Variants in CCDC122 observed in about 807,000 individuals in gnomAD.
The protein encoded by CCDC122 is coiled-coil domain containing 122.
Under a neutral mutation model 37.0 loss-of-function variants are expected in CCDC122, and 38 were observed. The observed-to-expected ratio is 1.03, with a 90% confidence interval of 0.79 to 1.35. CCDC122 has a LOEUF of 1.35. Ranked by LOEUF, CCDC122 falls within the 40% of genes most tolerant of loss-of-function variation. The pLI, the probability that CCDC122 is intolerant of heterozygous loss-of-function variation, is 0.00. For missense variants in CCDC122, 305 were observed against 310.0 expected, an observed-to-expected ratio of 0.98 and a Z score of 0.12; for synonymous variants, 83 against 95.6, an observed-to-expected ratio of 0.87 and a Z score of 0.77.
intron 6 of CCDC122, among the ~76,000 whole-genome samples, chr13:43,852,638 C>T (rs968290267): frequency 1.3e-5 from 2 of 151,808 alleles, no homozygotes; most frequent in Non-Finnish European, 2.9e-5. Context: ...TGCAGAGAAC[C>T]CCAGTAAGAT....
Position 43,859,962 on chromosome 13 carries a change from G to A in CCDC122, c.265C>T (p.His89Tyr). The stretch of plus-strand genomic sequence containing the variant: ...ATTTGAGTTTCCAGGCTATCACAAT[G>A]AAGTTTGGTATTCTCTATGGCAGAA... Reference protein sequence around the residue: ...QDSAIENTKLHCDSLETQIKS... With the variant: ...QDSAIENTKLYCDSLETQIKS... Residue 89 changes from histidine (H) to tyrosine (Y), a missense_variant, in exon 5 of 7, where the codon CAT becomes TAT. Transcript: ENST00000444614. The A allele has an allele frequency of 6.2e-7, 1 of 1,610,684 alleles. No homozygotes were observed. The highest frequency in any genetic ancestry group is 8.5e-7 in the Non-Finnish European group (1 of 1,178,462).
At chr13:43,849,116 A>AT (rs1953641021) in intron 6 of CCDC122, 12 of 830,906 alleles carry the variant, frequency 1.4e-5, no homozygotes, top group African/African-American at 1.8e-5. Flanking sequence ...TTAACTTTTC[A>AT]TTTTTTAACT....
chr13:43,851,183 A>G (rs899699433), intron 6 of CCDC122, among the ~76,000 whole-genome samples: 2 of 152,206 alleles, frequency 1.3e-5, no homozygotes, highest in African/African-American at 2.4e-5. Context: ...ACCTACCCTA[A>G]AAGAATGATT....
intron 4 of CCDC122, among the ~76,000 whole-genome samples, chr13:43,861,405 A>C (rs1034326205): frequency 6.6e-6 from 1 of 152,150 alleles, no homozygotes; most frequent in African/African-American, 2.4e-5. Flanking sequence ...CGGATGAAAA[A>C]CTGGGACCAA....
At chr13:43,831,962 C>T (rs535070744), downstream of CCDC122, among the ~76,000 whole-genome samples, 3 of 146,550 alleles carry the variant, frequency 2.0e-5, no homozygotes, top group Admixed American at 6.9e-5. Flanking sequence ...GAATTTGAAG[C>T]GGCCTATTCT....
intron 6 of CCDC122, among the ~76,000 whole-genome samples, chr13:43,844,437 A>G (rs1953450638): frequency 6.6e-6 from 1 of 151,982 alleles, no homozygotes; most frequent in Admixed American, 6.5e-5. Context: ...GTCTTGGTGA[A>G]TATTTCATGT....
chr13:43,832,796 A>G (rs1322838444), downstream of CCDC122, among the ~76,000 whole-genome samples: 1 of 152,148 alleles, frequency 6.6e-6, no homozygotes, highest in Non-Finnish European at 1.5e-5. Context: ...CTGTGTGATG[A>G]AATCTTAGGC....
chr13:43,858,988 T>C, intron 5 of CCDC122, 91 bp from the exon 6 acceptor site: 3 of 1,045,780 alleles, frequency 2.9e-6, no homozygotes, highest in East Asian at 7.4e-5. Context: ...TTAAGAAAAC[T>C]AGCCAAATCA....
chr13:43,845,805 A>T (rs1953506638), intron 6 of CCDC122, among the ~76,000 whole-genome samples: 1 of 152,228 alleles, frequency 6.6e-6, no homozygotes, highest in Admixed American at 6.5e-5. Context: ...TTATCAATAC[A>T]TTTTAAAAAT....
At chr13:43,857,524 A>G (rs9525855) in intron 6 of CCDC122, among the ~76,000 whole-genome samples, 76,989 of 151,370 alleles carry the variant, frequency 0.51, 19,999 homozygotes, top group African/African-American at 0.6. Context: ...TTATTTCAAC[A>G]TTTTTCTTTA....
intron 3 of CCDC122, among the ~76,000 whole-genome samples, chr13:43,824,874 C>G (rs567576431): frequency 6.6e-6 from 1 of 152,272 alleles, no homozygotes; most frequent in East Asian, 1.9e-4. Flanking sequence ...GTCAGAATGG[C>G]TATTGTTAAA....
chr13:43,822,560 G>A (rs1401570797), downstream of CCDC122, among the ~76,000 whole-genome samples: 1 of 152,256 alleles, frequency 6.6e-6, no homozygotes, highest in Non-Finnish European at 1.5e-5. Flanking sequence ...TGGGTCCAAA[G>A]ATGCTGTCTG....
Position 43,836,849 on chromosome 13 carries a change from T to C in CCDC122, c.*431A>G, listed in dbSNP as rs1448816867. The C allele has an allele frequency of 5.1e-5, 4 of 77,810 alleles. No individual in the cohort carries two copies. Among genetic ancestry groups the C allele is most frequent in the African/African-American group, 1.9e-4 (4 of 21,250 alleles). The allele number at this position is 77,810 out of a possible 1,614,324, so 4.8% of individuals were successfully genotyped here. A position where few individuals can be genotyped will look rare whatever the true frequency, so the allele number is the denominator to read the frequency against. On this transcript the variant is annotated 3_prime_UTR_variant, in exon 7 of 7. Coordinates refer to ENST00000444614, the MANE Select transcript of CCDC122 (RefSeq NM_144974.5). Reference sequence around the variant, plus strand: ...TCCGGCCTGGGCGACAGAGCGAGACTCCGTCTCAAAAAAAAAAAAAAAAAA... The same window carrying C: ...TCCGGCCTGGGCGACAGAGCGAGACCCCGTCTCAAAAAAAAAAAAAAAAAA...
At chr13:43,852,415 ACAGT>A (rs1160009199) in intron 6 of CCDC122, among the ~76,000 whole-genome samples, 2 of 152,078 alleles carry the variant, frequency 1.3e-5, no homozygotes, top group East Asian at 1.9e-4. Context: ...CTAAAATAAG[ACAGT>A]CAGACAAGAA....
At chr13:43,871,319 T>C (rs113954428) in intron 2 of CCDC122, among the ~76,000 whole-genome samples, 67 of 152,166 alleles carry the variant, frequency 4.4e-4, no homozygotes, top group Non-Finnish European at 8.2e-4. Flanking sequence ...ATGACACAAT[T>C]TGCATGCCTG....
intron 3 of CCDC122, among the ~76,000 whole-genome samples, chr13:43,825,508 G>A (rs550190222): frequency 2.6e-5 from 4 of 152,110 alleles, no homozygotes; most frequent in South Asian, 4.1e-4. Context: ...GGTGGCTCAC[G>A]CCTATAATCC....
In CCDC122 at chr13:43,859,978, T is replaced by C. The variant is rs1375915007; in HGVS notation, c.249A>G (p.Ile83Met). ...ERQIYQQDSAIENTKLHCDSL... is the reference protein window; with the variant it reads ...ERQIYQQDSAMENTKLHCDSL... ...TATCACAATGAAGTTTGGTATTCTC[T>C]ATGGCAGAATCTTGTTGATAAATTT... The change falls in exon 5 of 7, where the codon ATA becomes ATG. Residue 83 changes from isoleucine to methionine, a missense_variant. By Grantham distance (10) the Ile-to-Met change is conservative. Transcript: ENST00000444614. 16 of 1,600,770 alleles carry C rather than the reference T, an allele frequency of 1.0e-5. 2 individuals are homozygous for C. The South Asian group carries it at 1.8e-4, about 18-fold the overall frequency.
downstream of CCDC122, among the ~76,000 whole-genome samples, chr13:43,836,036 T>C (rs1953152180): frequency 6.6e-6 from 1 of 152,224 alleles, no homozygotes; most frequent in African/African-American, 2.4e-5. Context: ...TTATATCAGC[T>C]CCACTTACTG....
At chr13:43,834,084 T>C (rs1953116127), downstream of CCDC122, among the ~76,000 whole-genome samples, 2 of 152,150 alleles carry the variant, frequency 1.3e-5, no homozygotes, top group South Asian at 4.1e-4. Context: ...TTATCTGAAA[T>C]AGTTTCCAAG....
Sources: allele counts gnomAD v4.1 joint callset (sites outside exome capture counted in the v4.1 genomes callset), GRCh38; gene constraint gnomAD v4.1.1; transcripts MANE v1.5; gene names NCBI Gene and HGNC (gene_info 2026-07-23, HGNC 2026-07-21).